Variants in ZNF483 observed in about 807,000 individuals in gnomAD.
ZNF483 encodes zinc finger protein HIT-10.
Under a neutral mutation model 28.6 loss-of-function variants are expected in ZNF483, and 9 were observed. That is an observed-to-expected ratio of 0.32 (90% CI 0.19 to 0.55). The LOEUF (loss-of-function observed/expected upper bound fraction) is 0.55, where lower values mean the gene tolerates loss of function less well. ZNF483 is among the 20% of genes least tolerant of loss of function. The pLI is 0.93. For synonymous variants in ZNF483, 322 were observed against 306.2 expected, an observed-to-expected ratio of 1.05 and a Z score of -0.54; for missense variants, 675 against 871.7, an observed-to-expected ratio of 0.77 and a Z score of 2.84.
chr9:111,558,307 G>A (rs1429872960), downstream of ZNF483, among the ~76,000 whole-genome samples: 3 of 152,088 alleles, frequency 2.0e-5, no homozygotes, highest in Non-Finnish European at 4.4e-5. Flanking sequence ...GATTTGTCTA[G>A]TGGGAGCCCT....
At chr9:111,525,617 A>G (rs1209266430) in intron 1 of ZNF483, among the ~76,000 whole-genome samples, 1 of 152,118 alleles carries the variant, frequency 6.6e-6, no homozygotes, top group African/African-American at 2.4e-5. Flanking sequence ...CTAACCAAAA[A>G]TGTGTCCAGA....
Position 111,552,311 on chromosome 9 carries a change from C to T in ZNF483, c.*9141C>T, listed in dbSNP as rs986284354. 6.6e-6 allele frequency among the ~76,000 whole-genome samples: 1 copy of T among 151,954 alleles called. No individual in the cohort carries two copies. Among genetic ancestry groups the T allele is most frequent in the Non-Finnish European group, 1.5e-5 (1 of 67,974 alleles). ...CTTTTTTTTTCAGAAGTTTCATAAA[C>T]TGTCAACATTCTATAGCTTTTGTGC... On this transcript the variant is annotated 3_prime_UTR_variant, in exon 6 of 6. Transcript: ENST00000309235.
At chr9:111,560,447 C>G (rs1041665665) in intron 5 of ZNF483, among the ~76,000 whole-genome samples, 5 of 137,738 alleles carry the variant, frequency 3.6e-5, no homozygotes, top group African/African-American at 1.4e-4. Flanking sequence ...GCACTCCAGC[C>G]TGGGTGACAG....
rs922931785 is a variant in ZNF483, at chr9:111,525,259, G to A, written c.-132G>A. The A allele has an allele frequency of 2.0e-5, 3 of 152,246 alleles. No individual in the cohort carries two copies. The highest frequency in any genetic ancestry group is 2.0e-4 in the Admixed American group (3 of 15,290). The allele number at this position is 152,246 out of a possible 1,614,324, so 9.4% of individuals were successfully genotyped here. A position where few individuals can be genotyped will look rare whatever the true frequency, so the allele number is the denominator to read the frequency against. On this transcript the variant is annotated 5_prime_UTR_variant, in exon 1 of 6. The change abolishes an upstream ATG in the 5' untranslated region. Coordinates refer to ENST00000309235, the MANE Select transcript of ZNF483 (RefSeq NM_133464.5). The stretch of plus-strand genomic sequence containing the variant: ...GTTGGTGCTGTTTGCGGATGCTGAT[G>A]CAGGTACTGGTCGTCCCGGGCCCCG...
Position 111,542,521 on chromosome 9 carries a change from G to A in ZNF483, c.1586G>A (p.Gly529Glu). ...AAACCTTATAAATGTAAAGACTGTG[G>A]GAGACCCTTTAGTGACAGTTCATCT... is the stretch of plus-strand genomic sequence containing the variant. ...GEKPYKCKDC[G>E]RPFSDSSSLI... The change falls in exon 6 of 6, where the codon GGG becomes GAG. Residue 529 changes from glycine to glutamate, a missense_variant. By Grantham distance (98) the Gly-to-Glu change is moderately conservative. Transcript: ENST00000309235. The surrounding 1 kb of genome is among the most constrained non-coding windows in gnomAD (Gnocchi z 6.2). 1 of 1,614,074 alleles carries A rather than the reference G, an allele frequency of 6.2e-7. No homozygotes were observed. The highest frequency in any genetic ancestry group is 8.5e-7 in the Non-Finnish European group (1 of 1,180,010).
chr9:111,552,232 T>C lies in ZNF483; in HGVS notation c.*9062T>C, dbSNP rs946709330. On this transcript the variant is annotated 3_prime_UTR_variant, in exon 6 of 6. Coordinates refer to ENST00000309235, the MANE Select transcript of ZNF483 (RefSeq NM_133464.5). Reference sequence around the variant, plus strand: ...TACAGGAAATCCTTATAAAATTCTTTTGTAAGTCATCCAGGTAACATTGGT... The same window carrying C: ...TACAGGAAATCCTTATAAAATTCTTCTGTAAGTCATCCAGGTAACATTGGT... Among the ~76,000 whole-genome samples, 2 of 152,250 alleles carry C rather than the reference T, an allele frequency of 1.3e-5. No individual in the cohort carries two copies. Among genetic ancestry groups the C allele is most frequent in the Non-Finnish European group, 2.9e-5 (2 of 68,036 alleles).
intron 1 of ZNF483, among the ~76,000 whole-genome samples, chr9:111,526,004 A>C (rs1827177174): frequency 6.6e-6 from 1 of 152,066 alleles, no homozygotes. Flanking sequence ...AGGCCTGTCC[A>C]CGCCTGGCCC....
At chr9:111,558,381 G>T (rs946904596), downstream of ZNF483, among the ~76,000 whole-genome samples, 47 of 151,822 alleles carry the variant, frequency 3.1e-4, 1 homozygote, top group African/African-American at 1.1e-3. Context: ...TTGATTTATG[G>T]TATAAGATGC....
intron 5 of ZNF483, among the ~76,000 whole-genome samples, chr9:111,561,148 GGAGAGAGA>G (rs527553902): frequency 2.3e-4 from 8 of 34,840 alleles, no homozygotes; most frequent in East Asian, 1.0e-3. Flanking sequence ...GGAGAGAGAG[GGAGAGAGA>G]GAGAGAGAGA....
exon 6 of ZNF483, chr9:111,577,491 C>A (rs531139410): frequency 1.3e-4 from 20 of 152,270 alleles, no homozygotes; most frequent in African/African-American, 4.8e-4. Context: ...AAAATCCACA[C>A]AAAAACCTCT....
intron 5 of ZNF483, among the ~76,000 whole-genome samples, chr9:111,534,776 T>C (rs1446833305): frequency 7.3e-6 from 1 of 136,090 alleles, no homozygotes; most frequent in East Asian, 2.2e-4. Flanking sequence ...CGAGCTAGAG[T>C]GCAGTGGCGT....
intron 5 of ZNF483, chr9:111,564,250 C>A: frequency 1.0e-6 from 1 of 1,001,682 alleles, no homozygotes; most frequent in Non-Finnish European, 1.3e-6. Context: ...CAGTCAATTA[C>A]AAAGTAGGGA....
Position 111,543,081 on chromosome 9 carries a change from A to G in ZNF483, c.2146A>G (p.Arg716Gly). ...AGAACACCTAAAAATTCATACCGGA[A>G]GGAGAGAATATGAATGTAACGAATG... Reference protein sequence around the residue: ...LVEHLKIHTGRREYECNECEK... With the variant: ...LVEHLKIHTGGREYECNECEK... The change falls in exon 6 of 6, where the codon AGG (arginine) becomes GGG (glycine). Residue 716 changes from arginine (R) to glycine (G), a missense_variant. Arg to Gly is a moderately radical substitution (Grantham distance 125). Coordinates refer to ENST00000309235, the MANE Select transcript of ZNF483 (RefSeq NM_133464.5). 1 of 1,614,126 alleles carries G rather than the reference A, an allele frequency of 6.2e-7. No homozygotes were observed. The highest frequency in any genetic ancestry group is 8.5e-7 in the Non-Finnish European group (1 of 1,180,004).
chr9:111,535,525 G>T (rs1404187639), intron 5 of ZNF483, among the ~76,000 whole-genome samples: 1 of 152,148 alleles, frequency 6.6e-6, no homozygotes, highest in Admixed American at 6.6e-5. Context: ...TGTTAACACT[G>T]GTTATCTTTG....
intron 5 of ZNF483, chr9:111,563,258 A>C: frequency 1.9e-6 from 3 of 1,596,842 alleles, no homozygotes; most frequent in Non-Finnish European, 2.6e-6. Flanking sequence ...ACAAATTTTA[A>C]AACTTAATTT....
chr9:111,527,388 GAGACACAA>G lies in ZNF483; in HGVS notation c.-7_1del. ...GTGAAGGGACTGGATTCCTGCCCCTGAGACACAATGCAAGCTGTAGTGCCCTTGAACAA... is the reference window on the plus strand; with the variant it reads ...GTGAAGGGACTGGATTCCTGCCCCTGTGCAAGCTGTAGTGCCCTTGAACAA... On this transcript the variant is annotated start_lost and 5_prime_UTR_variant, in exon 2 of 6. Transcript: ENST00000309235. 6.2e-7 allele frequency: 1 copy of G among 1,611,308 alleles called. No individual in the cohort carries two copies. Among genetic ancestry groups the G allele is most frequent in the Non-Finnish European group, 8.5e-7 (1 of 1,178,858 alleles).
At chr9:111,535,363 G>A (rs867054203) in intron 5 of ZNF483, among the ~76,000 whole-genome samples, 23 of 152,286 alleles carry the variant, frequency 1.5e-4, no homozygotes, top group Middle Eastern at 3.4e-3. Context: ...GTTTTAATTC[G>A]CATTTGAGTT....
chr9:111,557,945 G>A (rs1213280301), downstream of ZNF483, among the ~76,000 whole-genome samples: 5 of 152,054 alleles, frequency 3.3e-5, no homozygotes, highest in Non-Finnish European at 7.4e-5. Context: ...TTAAGAGTTC[G>A]AGGCCAGCCT....
chr9:111,549,364 C>T lies in ZNF483; in HGVS notation c.*6194C>T, dbSNP rs1215600631. 1.3e-5 allele frequency among the ~76,000 whole-genome samples: 2 copies of T among 152,178 alleles called. No individual in the cohort carries two copies. Among genetic ancestry groups the T allele is most frequent in the Non-Finnish European group, 2.9e-5 (2 of 68,026 alleles). On this transcript the variant is annotated 3_prime_UTR_variant, in exon 6 of 6. Coordinates refer to ENST00000309235, the MANE Select transcript of ZNF483 (RefSeq NM_133464.5). ...ATGTTAGTGTCTATAAAGGTCTGAACTAAGAAAGCTTCTCTCAAGCCACAA... is the reference window on the plus strand; with the variant it reads ...ATGTTAGTGTCTATAAAGGTCTGAATTAAGAAAGCTTCTCTCAAGCCACAA...
Sources: gnomAD v4.1 joint callset for allele counts (sites outside exome capture counted in the v4.1 genomes callset) on GRCh38, gnomAD v4.1.1 for gene constraint, Gnocchi (gnomAD v3.1) non-coding constraint, MANE v1.5 for transcripts, NCBI Gene and HGNC (gene_info 2026-07-23, HGNC 2026-07-21) for gene names.